The following FRMD4B variants were observed in gnomAD, a reference collection of about 807,000 sequenced individuals.
The protein encoded by FRMD4B is FERM domain containing 4B.
FRMD4B carries 74 observed loss-of-function variants against 141.5 expected under a neutral mutation model. That is an observed-to-expected ratio of 0.52 (90% CI 0.43 to 0.63). The LOEUF is 0.63. FRMD4B is among the 30% of genes least tolerant of loss of function. FRMD4B has a pLI of 0.00. For synonymous variants in FRMD4B, 506 were observed against 467.9 expected, an observed-to-expected ratio of 1.08 and a Z score of -1.05; for missense variants, 1,366 against 1,253.4, an observed-to-expected ratio of 1.09 and a Z score of -1.36.
At chr3:69,341,424 C>T (rs1702735406) in intron 1 of FRMD4B, among the ~76,000 whole-genome samples, 1 of 152,208 alleles carries the variant, frequency 6.6e-6, no homozygotes, top group Admixed American at 6.5e-5. Flanking sequence ...GAACCTGCCT[C>T]CTCTGCACCT....
intron 2 of FRMD4B, among the ~76,000 whole-genome samples, chr3:69,410,044 C>T (rs1207603321): frequency 1.3e-5 from 2 of 152,206 alleles, no homozygotes; most frequent in Non-Finnish European, 2.9e-5. Flanking sequence ...AAGAACTCCA[C>T]CCTTTCCTCA....
intron 1 of FRMD4B, among the ~76,000 whole-genome samples, chr3:69,325,112 A>AGAAAGAAAGAAAGAAAGAAAGAAT (rs1553724266): frequency 1.4e-4 from 21 of 151,606 alleles, no homozygotes; most frequent in Admixed American, 2.0e-4. Flanking sequence ...AAAGAAAGAA[A>AGAAAGAAAGAAAGAAAGAAAGAAT]GAAAGAAAGA....
intron 1 of FRMD4B, among the ~76,000 whole-genome samples, chr3:69,371,278 G>A (rs1231278895): frequency 6.6e-6 from 1 of 152,212 alleles, no homozygotes; most frequent in African/African-American, 2.4e-5. Flanking sequence ...GGAGGCCAGG[G>A]TTGCTGGAGA....
intron 1 of FRMD4B, among the ~76,000 whole-genome samples, chr3:69,361,254 T>C (rs1377000126): frequency 2.0e-5 from 3 of 152,320 alleles, no homozygotes; most frequent in East Asian, 3.9e-4. Flanking sequence ...GACATGGTTT[T>C]AGTAGTATTT....
chr3:69,515,289 G>C (rs1040647595), intron 1 of FRMD4B, among the ~76,000 whole-genome samples: 2 of 152,120 alleles, frequency 1.3e-5, no homozygotes, highest in African/African-American at 4.8e-5. Context: ...CTTCCACCAG[G>C]TACCACCTCC....
Position 69,502,720 on chromosome 3 carries a change from A to T in FRMD4B, c.-129+39486T>A, listed in dbSNP as rs184523137. On this transcript the variant is annotated intron_variant, in intron 1 of 5. Coordinates refer to the FRMD4B transcript ENST00000459638. ...ACTAAAGAGCTTCTGCACAGCAAAAAAAAAACTACCATCGGAGTGAACAGG... is the reference window on the plus strand; with the variant it reads ...ACTAAAGAGCTTCTGCACAGCAAAATAAAAACTACCATCGGAGTGAACAGG... 5.1e-4 allele frequency among the ~76,000 whole-genome samples: 78 copies of T among 152,288 alleles called. 1 individual carries two copies. Among genetic ancestry groups the T allele is most frequent in the Non-Finnish European group, 6.9e-4 (47 of 68,026 alleles).
At chr3:69,505,206 C>A (rs71618286) in intron 1 of FRMD4B, among the ~76,000 whole-genome samples, 45,263 of 151,544 alleles carry the variant, frequency 0.3, 7,044 homozygotes, top group African/African-American at 0.37. Context: ...CCCATCTCTA[C>A]AAAAAATTAA....
chr3:69,311,115 G>T, intron 3 of FRMD4B, 148 bp downstream of exon 3: 1 of 494,248 alleles, frequency 2.0e-6, no homozygotes, highest in East Asian at 3.0e-5. Context: ...ATAATCCTAG[G>T]AGAAAAATCG....
intron 1 of FRMD4B, among the ~76,000 whole-genome samples, chr3:69,506,572 A>G (rs1355003179): frequency 6.6e-6 from 1 of 151,040 alleles, no homozygotes; most frequent in Non-Finnish European, 1.5e-5. Context: ...ATCTCGTTTT[A>G]CCACCCAGGC....
At chr3:69,212,228 C>G (rs2093088799) in intron 11 of FRMD4B, among the ~76,000 whole-genome samples, 1 of 151,210 alleles carries the variant, frequency 6.6e-6, no homozygotes. Flanking sequence ...GGCATGGTGG[C>G]AGGCACCTGT....
chr3:69,344,260 G>C (rs891919503), intron 1 of FRMD4B, among the ~76,000 whole-genome samples: 5 of 152,066 alleles, frequency 3.3e-5, no homozygotes, highest in Admixed American at 2.6e-4. Context: ...TGGCTCTACA[G>C]GCATCTGGGC....
chr3:69,316,750 T>C (rs926655223), intron 1 of FRMD4B, among the ~76,000 whole-genome samples: 1 of 152,234 alleles, frequency 6.6e-6, no homozygotes, highest in African/African-American at 2.4e-5. Flanking sequence ...TATTAATCCA[T>C]TAAGGAATAT....
intron 21 of FRMD4B, 104 bp from the exon 22 acceptor site, chr3:69,176,760 A>C (rs9868107): frequency 1.4e-6 from 1 of 723,678 alleles, no homozygotes; most frequent in Non-Finnish European, 2.3e-6. Context: ...TCAGAGGAGA[A>C]ATTTAAGAGG....
intron 1 of FRMD4B, among the ~76,000 whole-genome samples, chr3:69,496,312 C>G (rs1467007952): frequency 3.3e-5 from 5 of 152,080 alleles, no homozygotes; most frequent in Non-Finnish European, 1.5e-5. Context: ...GAGAAAGAGT[C>G]AATACTCTTA....
chr3:69,478,657 G>C (rs1339387532), intron 1 of FRMD4B, among the ~76,000 whole-genome samples: 1 of 152,070 alleles, frequency 6.6e-6, no homozygotes, highest in Non-Finnish European at 1.5e-5. Context: ...GGTGTGGTGT[G>C]GTGCTGAAAA....
intron 1 of FRMD4B, among the ~76,000 whole-genome samples, chr3:69,511,718 C>T (rs1298417067): frequency 6.6e-6 from 1 of 152,188 alleles, no homozygotes; most frequent in Non-Finnish European, 1.5e-5. Flanking sequence ...GTCTGAGACT[C>T]TTCCTATCCA....
chr3:69,381,238 T>A (rs897680048), intron 1 of FRMD4B, among the ~76,000 whole-genome samples: 25 of 152,250 alleles, frequency 1.6e-4, no homozygotes, highest in Non-Finnish European at 2.6e-4. Context: ...AGTCACTTGC[T>A]TCTCCAATAT....
chr3:69,500,489 C>T (rs562635426), intron 1 of FRMD4B, among the ~76,000 whole-genome samples: 8 of 152,140 alleles, frequency 5.3e-5, no homozygotes, highest in African/African-American at 1.9e-4. Context: ...AGGATGCTGG[C>T]TGATGGTTCC....
chr3:69,492,970 T>C (rs1029187792), intron 1 of FRMD4B, among the ~76,000 whole-genome samples: 1 of 152,244 alleles, frequency 6.6e-6, no homozygotes, highest in Admixed American at 6.5e-5. Flanking sequence ...CAACCATCTC[T>C]GTATCTTCAG....
Sources: gnomAD v4.1 joint callset for allele counts (sites outside exome capture counted in the v4.1 genomes callset) on GRCh38, gnomAD v4.1.1 for gene constraint, MANE v1.5 for transcripts, NCBI Gene and HGNC (gene_info 2026-07-23, HGNC 2026-07-21) for gene names.